Variants in PKM observed in about 807,000 individuals in gnomAD.
PKM encodes the protein pyruvate kinase PKM.
A neutral mutation model predicts 49.8 loss-of-function variants in PKM; 18 were observed. The observed-to-expected ratio is 0.36, with a 90% CI of 0.25 to 0.54. PKM has a LOEUF of 0.54. PKM is among the 20% of genes least tolerant of loss of function. PKM has a pLI of 0.89. For missense variants in PKM, 508 were observed against 713.8 expected (o/e 0.71, Z 3.28); for synonymous variants, 239 against 261.8 (o/e 0.91, Z 0.84).
At chr15:72,226,391 G>C (rs546755304) in intron 1 of PKM, among the ~76,000 whole-genome samples, 1 of 152,148 alleles carries the variant, frequency 6.6e-6, no homozygotes, top group Non-Finnish European at 1.5e-5. Flanking sequence ...TCAGCCAGGC[G>C]TGGTTGCGGT....
rs1177905079 is a variant in PKM at position 72,200,142 on chromosome 15, AC to A, written c.1489+331del. Among the ~76,000 whole-genome samples the A allele has an allele frequency of 6.6e-6, 1 of 152,010 alleles. No homozygotes were observed. The highest frequency in any genetic ancestry group is 1.5e-5 in the Non-Finnish European group (1 of 67,986). On this transcript the variant is annotated intron_variant, in intron 10 of 10. Transcript: ENST00000335181. The surrounding 1 kb of genome is among the most constrained non-coding windows in gnomAD (Gnocchi z 4.6). The stretch of plus-strand genomic sequence containing the variant: ...GTGGCCAATTTTATTTAAAAAAAAA[AC>A]AAAAAACAAAAAAAACTCTCAGTAA...
At chr15:72,208,534 T>G (rs2082144023) in intron 6 of PKM, 87 bp downstream of exon 6, 2 of 1,415,684 alleles carry the variant, frequency 1.4e-6, no homozygotes, top group Non-Finnish European at 2.0e-6. Context: ...TCTGATGGGC[T>G]AGGGGCTGGG....
At chr15:72,203,708 G>C (rs1003832968) in intron 8 of PKM, 3 of 169,522 alleles carry the variant, frequency 1.8e-5, no homozygotes, top group African/African-American at 7.2e-5. Flanking sequence ...GCAACAGATT[G>C]AGCAGCGCTG....
chr15:72,210,127 A>G, intron 4 of PKM: 1 of 655,468 alleles, frequency 1.5e-6, no homozygotes, highest in Non-Finnish European at 2.6e-6. Flanking sequence ...TTAGGTTTTT[A>G]GGGTAAAAAA....
At chr15:72,228,499 C>T in intron 1 of PKM, 3 of 491,176 alleles carry the variant, frequency 6.1e-6, no homozygotes, top group South Asian at 3.2e-5. Context: ...GAAATGCATG[C>T]TTCATTATCT....
intron 8 of PKM, chr15:72,203,627 C>A: frequency 3.7e-6 from 1 of 271,740 alleles, no homozygotes; most frequent in Admixed American, 5.0e-5. Context: ...AGCCTCCATG[C>A]ATGCATGGAG....
rs909603944 is a variant in PKM at position 72,202,633 on chromosome 15, C to G, written c.1141-13G>C. 1 of 1,610,766 alleles carries G rather than the reference C, an allele frequency of 6.2e-7. No homozygotes were observed. Among genetic ancestry groups the G allele is most frequent in the Non-Finnish European group, 8.5e-7 (1 of 1,178,286 alleles). ...CCTCACGGGCAATCTAGGGGAGCAA[C>G]ATCCGTCCAGAGGGACGAGAGGGGG... On this transcript the variant is annotated splice_polypyrimidine_tract_variant and intron_variant, in intron 8 of 10. Coordinates refer to ENST00000335181, the MANE Select transcript of PKM (RefSeq NM_002654.6). This position sits in a 1 kb window ranked among gnomAD's most constrained non-coding sequence, Gnocchi z 4.5.
chr15:72,229,319 A>T (rs898748345), intron 1 of PKM, among the ~76,000 whole-genome samples: 5 of 152,200 alleles, frequency 3.3e-5, no homozygotes, highest in Non-Finnish European at 5.9e-5. Context: ...ATCATGAGGA[A>T]AATGTTACTC....
chr15:72,207,384 C>A, intron 6 of PKM, 107 bp from the exon 7 acceptor site: 6 of 960,024 alleles, frequency 6.2e-6, no homozygotes, highest in South Asian at 1.3e-5. Context: ...GTCCTTGTAC[C>A]AGGACAGACA....
rs149108298 is a variant in PKM at position 72,208,757 on chromosome 15, C to G, written c.700G>C (p.Glu234Gln). 1.9e-6 allele frequency: 3 copies of G among 1,614,142 alleles called. No individual in the cohort carries two copies. Among genetic ancestry groups the G allele is most frequent in the East Asian group, 4.5e-5 (2 of 44,882 alleles). ...KDIQDLKFGV[E>Q]QDVDMVFASF... ...GCAAACACCATATCAACATCCTGCT[C>G]GACCCCAAACTTCAGATCCTGGATG... is the stretch of plus-strand genomic sequence containing the variant. Residue 234 changes from glutamate (E) to glutamine (Q), a missense_variant, in exon 6 of 11, where the codon GAG becomes CAG. Physicochemically the swap from Glu to Gln is conservative, Grantham distance 29. Coordinates refer to ENST00000335181, the MANE Select transcript of PKM (RefSeq NM_002654.6).
intron 1 of PKM, chr15:72,229,677 C>T (rs1439118459): frequency 8.0e-7 from 1 of 1,243,152 alleles, no homozygotes; most frequent in Non-Finnish European, 1.0e-6. Flanking sequence ...GAAGCTCGTA[C>T]CCCACTCCCA....
At chr15:72,225,777 C>T (rs916234125) in intron 1 of PKM, among the ~76,000 whole-genome samples, 8 of 152,210 alleles carry the variant, frequency 5.3e-5, no homozygotes, top group Non-Finnish European at 1.2e-4. Flanking sequence ...CACTCTCCCT[C>T]CCCGTTAAAC....
At chr15:72,227,123 C>T (rs578211136) in intron 1 of PKM, among the ~76,000 whole-genome samples, 3 of 152,316 alleles carry the variant, frequency 2.0e-5, no homozygotes, top group African/African-American at 4.8e-5. Context: ...GCAAGCTCCC[C>T]GCAAGTATGG....
intron 3 of PKM, among the ~76,000 whole-genome samples, chr15:72,213,619 C>G (rs1325847025): frequency 6.6e-6 from 1 of 152,168 alleles, no homozygotes; most frequent in Non-Finnish European, 1.5e-5. Context: ...TTAGTAGAGA[C>G]AGGGTTTCAC....
At chr15:72,231,094 C>G in intron 1 of PKM, 22 bp downstream of exon 1, 1 of 478,252 alleles carries the variant, frequency 2.1e-6, no homozygotes, top group Non-Finnish European at 3.7e-6. Flanking sequence ...GGACTGATGG[C>G]GTAGCCTCCT....
At chr15:72,203,107 G>C in intron 8 of PKM, 1 of 1,614,030 alleles carries the variant, frequency 6.2e-7, no homozygotes, top group Non-Finnish European at 8.5e-7. Context: ...GCTTCCATGA[G>C]GTCTGTGGAG....
Position 72,207,110 on chromosome 15 carries a change from G to C in PKM, c.987+17C>G. ...GCGAGTGTGCACATGAGAATGTGGG[G>C]AAGGGTGGGCACATGCCTGAGTAGC... On this transcript the variant is annotated intron_variant, in intron 7 of 10. Transcript: ENST00000335181. 1 of 1,613,008 alleles carries C rather than the reference G, an allele frequency of 6.2e-7. No individual in the cohort carries two copies. Among genetic ancestry groups the C allele is most frequent in the Non-Finnish European group, 8.5e-7 (1 of 1,179,700 alleles).
Position 72,199,461 on chromosome 15 carries a change from TG to T in PKM, c.*188del, listed in dbSNP as rs2081876262. The T allele has an allele frequency of 1.4e-6, 1 of 699,376 alleles. No homozygotes were observed. The highest frequency in any genetic ancestry group is 2.6e-6 in the Non-Finnish European group (1 of 381,250). The allele number at this position is 699,376 out of a possible 1,614,324, so 43.3% of individuals were successfully genotyped here. On this transcript the variant is annotated 3_prime_UTR_variant, in exon 11 of 11. Coordinates refer to ENST00000335181, the MANE Select transcript of PKM (RefSeq NM_002654.6). ...GGCCACATGATGGGCAGCCAGGCTC[TG>T]GGCTGTCCCACTAGAGCAGGCTGCA... is the stretch of plus-strand genomic sequence containing the variant.
chr15:72,227,508 G>T (rs192638046), intron 1 of PKM, among the ~76,000 whole-genome samples: 52 of 152,258 alleles, frequency 3.4e-4, no homozygotes, highest in African/African-American at 1.1e-3. Flanking sequence ...ACTTTGGGAG[G>T]CCGAGGCCGG....
Sources: gnomAD v4.1 joint callset for allele counts (sites outside exome capture counted in the v4.1 genomes callset) on GRCh38, gnomAD v4.1.1 for gene constraint, Gnocchi (gnomAD v3.1) non-coding constraint, MANE v1.5 for transcripts, NCBI Gene and HGNC (gene_info 2026-07-23, HGNC 2026-07-21) for gene names.